The following ATF7IP2 variants were observed in gnomAD, a reference collection of about 807,000 sequenced individuals.
ATF7IP2 encodes the protein activating transcription factor 7 interacting protein 2.
Under a neutral mutation model 64.2 loss-of-function variants are expected in ATF7IP2, and 42 were observed. That is an observed-to-expected ratio of 0.65 (90% CI 0.51 to 0.85). ATF7IP2 has a LOEUF of 0.85. Among genes scored for constraint, ATF7IP2 ranks in the 40% least tolerant of loss-of-function variants. ATF7IP2 has a pLI of 0.00. For missense variants in ATF7IP2, 933 were observed against 784.2 expected (o/e 1.19, Z -2.27); for synonymous variants, 308 against 272.8 (o/e 1.13, Z -1.27).
At chr16:10,398,606 A>G (rs2047466505) in intron 1 of ATF7IP2, among the ~76,000 whole-genome samples, 1 of 152,174 alleles carries the variant, frequency 6.6e-6, no homozygotes, top group South Asian at 2.1e-4. Flanking sequence ...TATATGATGG[A>G]ATACCATTTT....
intron 8 of ATF7IP2, chr16:10,449,753 C>T (rs1351754958): frequency 6.6e-6 from 1 of 151,998 alleles, no homozygotes; most frequent in African/African-American, 2.4e-5. Context: ...TTAAGAAAAC[C>T]AGCTCCTGGA....
intron 12 of ATF7IP2, among the ~76,000 whole-genome samples, chr16:10,477,308 C>G (rs1480542744): frequency 6.6e-6 from 1 of 152,166 alleles, no homozygotes; most frequent in Admixed American, 6.5e-5. Flanking sequence ...GTATATTGAA[C>G]CAGCCTTGCA....
intron 1 of ATF7IP2, chr16:10,387,824 T>TCCCCCCCCCCCCC (rs5815573): frequency 4.0e-4 from 52 of 130,650 alleles, no homozygotes; most frequent in African/African-American, 5.4e-4. Flanking sequence ...TCTATTTTAC[T>TCCCCCCCCCCCCC]CCCCCCCCCT....
intron 3 of ATF7IP2, among the ~76,000 whole-genome samples, chr16:10,422,563 C>G (rs571090371): frequency 1.3e-3 from 193 of 152,334 alleles, no homozygotes; most frequent in African/African-American, 4.4e-3. Context: ...TGATATACTT[C>G]AGGGGCTTTA....
chr16:10,413,792 A>G (rs1045499950), intron 1 of ATF7IP2, among the ~76,000 whole-genome samples: 1 of 152,156 alleles, frequency 6.6e-6, no homozygotes, highest in African/African-American at 2.4e-5. Flanking sequence ...TAATTTATGA[A>G]GCTTAGTTTC....
chr16:10,474,344 G>GTC (rs2049925792), intron 12 of ATF7IP2, among the ~76,000 whole-genome samples: 1 of 151,998 alleles, frequency 6.6e-6, no homozygotes, highest in Admixed American at 6.6e-5. Flanking sequence ...ACAGTAGTGT[G>GTC]TTCCTCTTTA....
intron 10 of ATF7IP2, among the ~76,000 whole-genome samples, chr16:10,472,810 C>G (rs560936124): frequency 1.4e-5 from 2 of 147,732 alleles, no homozygotes; most frequent in African/African-American, 2.5e-5. Flanking sequence ...GAGCTGAGAT[C>G]GTGCTACTGC....
At chr16:10,391,579 GA>G (rs1211097942) in intron 1 of ATF7IP2, among the ~76,000 whole-genome samples, 1 of 152,056 alleles carries the variant, frequency 6.6e-6, no homozygotes, top group Non-Finnish European at 1.5e-5. Flanking sequence ...AAATGATCAA[GA>G]AAAAGAGAAA....
intron 1 of ATF7IP2, among the ~76,000 whole-genome samples, chr16:10,395,263 G>A (rs913764902): frequency 6.6e-6 from 1 of 152,032 alleles, no homozygotes; most frequent in African/African-American, 2.4e-5. Context: ...AAAACTGCCA[G>A]AACTGACTGA....
intron 9 of ATF7IP2, among the ~76,000 whole-genome samples, chr16:10,460,657 G>A (rs374428247): frequency 6.6e-6 from 1 of 151,940 alleles, no homozygotes; most frequent in Non-Finnish European, 1.5e-5. Context: ...GTTTATGTTG[G>A]GGGAAATATG....
chr16:10,436,318 C>G (rs191200575), intron 6 of ATF7IP2, among the ~76,000 whole-genome samples: 5 of 152,032 alleles, frequency 3.3e-5, no homozygotes, highest in African/African-American at 1.2e-4. Context: ...GCCGGGATCA[C>G]GCTGCTGCAC....
intron 1 of ATF7IP2, among the ~76,000 whole-genome samples, chr16:10,393,507 T>G (rs1276315547): frequency 6.6e-6 from 1 of 152,128 alleles, no homozygotes; most frequent in African/African-American, 2.4e-5. Flanking sequence ...AGGCATTCGG[T>G]AGAATATAAA....
intron 5 of ATF7IP2, among the ~76,000 whole-genome samples, chr16:10,432,645 G>A (rs11074842): frequency 6.6e-6 from 1 of 152,160 alleles, no homozygotes; most frequent in East Asian, 1.9e-4. Flanking sequence ...GAGGCAGGTG[G>A]ATCACCTGAG....
intron 8 of ATF7IP2, among the ~76,000 whole-genome samples, chr16:10,451,756 G>C (rs2048992433): frequency 6.6e-6 from 1 of 151,716 alleles, no homozygotes; most frequent in South Asian, 2.1e-4. Flanking sequence ...TCCTTGCATT[G>C]AGTTAGAAGA....
intron 1 of ATF7IP2, among the ~76,000 whole-genome samples, chr16:10,393,355 A>C (rs920414278): frequency 4.6e-5 from 7 of 151,740 alleles, no homozygotes; most frequent in Non-Finnish European, 8.8e-5. Context: ...CACCATTGGA[A>C]AAATCCTATG....
chr16:10,419,682 G>T (rs1177539300), intron 3 of ATF7IP2, 59 bp downstream of exon 3: 2 of 152,936 alleles, frequency 1.3e-5, no homozygotes, highest in South Asian at 2.0e-4. Context: ...CTCAGTGTCA[G>T]TCTCAACATG....
At chr16:10,393,276 A>G (rs2047362306) in intron 1 of ATF7IP2, among the ~76,000 whole-genome samples, 1 of 137,776 alleles carries the variant, frequency 7.3e-6, no homozygotes. Flanking sequence ...CCTCAATGCC[A>G]GTGCACTCCA....
chr16:10,479,104 G>A (rs2050117903), intron 12 of ATF7IP2, among the ~76,000 whole-genome samples: 2 of 150,564 alleles, frequency 1.3e-5, no homozygotes, highest in African/African-American at 2.5e-5. Flanking sequence ...AATTCCTCAG[G>A]GATCTAGAAC....
chr16:10,469,954 G>C (rs947329593), intron 9 of ATF7IP2, among the ~76,000 whole-genome samples: 3 of 151,006 alleles, frequency 2.0e-5, no homozygotes, highest in African/African-American at 7.3e-5. Context: ...CCAAAGTGTA[G>C]GGGAAAAACA....
Sources: allele counts gnomAD v4.1 joint callset (sites outside exome capture counted in the v4.1 genomes callset), GRCh38; gene constraint gnomAD v4.1.1; transcripts MANE v1.5; gene names NCBI Gene and HGNC (gene_info 2026-07-23, HGNC 2026-07-21).